LYPLA1: variants seen among roughly 807,000 people sequenced by gnomAD.
LYPLA1 encodes acyl-protein thioesterase 1.
Under a neutral mutation model 34.0 loss-of-function variants are expected in LYPLA1, and 17 were observed. The observed-to-expected ratio is 0.50, with a 90% CI of 0.34 to 0.75. LYPLA1 has a LOEUF of 0.75. Ranked by LOEUF, LYPLA1 falls within the 30% of genes least tolerant of loss-of-function variation. LYPLA1 has a pLI of 0.01. For missense variants in LYPLA1, 203 were observed against 288.8 expected, an observed-to-expected ratio of 0.70 and a Z score of 2.15; for synonymous variants, 98 against 100.8, an observed-to-expected ratio of 0.97 and a Z score of 0.17.
intron 8 of LYPLA1, 61 bp downstream of exon 8, chr8:54,050,951 T>C: frequency 6.7e-7 from 1 of 1,497,198 alleles, no homozygotes; most frequent in Non-Finnish European, 9.0e-7. Context: ...TTACTTTTCT[T>C]GAAAATATCA....
At chr8:54,086,438 T>TA (rs768755796) in intron 2 of LYPLA1, among the ~76,000 whole-genome samples, 750 of 34,668 alleles carry the variant, frequency 0.022, 23 homozygotes, top group Non-Finnish European at 0.031. Context: ...CTAAAAAAAT[T>TA]AAAAAAAAAA....
intron 2 of LYPLA1, among the ~76,000 whole-genome samples, chr8:54,087,587 G>A (rs1053813834): frequency 1.4e-4 from 21 of 152,334 alleles, no homozygotes; most frequent in African/African-American, 4.1e-4. Flanking sequence ...GACACCCCAC[G>A]CAATGGGAGA....
intron 2 of LYPLA1, among the ~76,000 whole-genome samples, chr8:54,087,481 C>T (rs1317728215): frequency 2.6e-5 from 4 of 152,186 alleles, no homozygotes; most frequent in Non-Finnish European, 5.9e-5. Context: ...GCCTGGGCTA[C>T]AGGGCAATAC....
chr8:54,085,595 G>A (rs1293586756), intron 2 of LYPLA1, among the ~76,000 whole-genome samples: 8 of 151,150 alleles, frequency 5.3e-5, no homozygotes, highest in South Asian at 4.2e-4. Context: ...CTGCCGCCCC[G>A]TCTGGGATGT....
At chr8:54,066,018 G>A (rs1807042084) in intron 2 of LYPLA1, among the ~76,000 whole-genome samples, 2 of 152,086 alleles carry the variant, frequency 1.3e-5, no homozygotes, top group Admixed American at 1.3e-4. Flanking sequence ...CTCACTGCAA[G>A]CTACCTCTCC....
intron 2 of LYPLA1, among the ~76,000 whole-genome samples, chr8:54,070,207 C>T (rs999611188): frequency 2.6e-5 from 4 of 152,066 alleles, no homozygotes; most frequent in African/African-American, 7.2e-5. Context: ...CCCAGCTACT[C>T]GGGAGGCTGA....
rs1198944611 is a variant in LYPLA1 at position 54,062,299 on chromosome 8, C to G, written c.241G>C (p.Asp81His). The G allele has an allele frequency of 4.4e-6, 7 of 1,606,560 alleles. No individual in the cohort carries two copies. The highest frequency in any genetic ancestry group is 1.1e-5 in the South Asian group (1 of 89,804). Reference protein sequence around the residue: ...SWFDIIGLSPDSQEDESGIKQ... With the variant: ...SWFDIIGLSPHSQEDESGIKQ... ...ATCCCAGATTCATCCTCCTGTGAAT[C>G]TGGTGAAAGCCCAATAATATCAAAC... Residue 81 changes from aspartate (D) to histidine (H), a missense_variant, in exon 5 of 9, where the codon GAT becomes CAT. Physicochemically the swap from Asp to His is moderately conservative, Grantham distance 81. Transcript: ENST00000316963.
chr8:54,058,725 T>C (rs781673641), intron 5 of LYPLA1, among the ~76,000 whole-genome samples: 9 of 151,040 alleles, frequency 6.0e-5, no homozygotes, highest in Admixed American at 2.0e-4. Flanking sequence ...GCCACAGACA[T>C]GCGCCACCAC....
intron 2 of LYPLA1, among the ~76,000 whole-genome samples, chr8:54,084,133 A>AAAAAAAAAAAAAAATTTTTATATAT (rs1373090573): frequency 7.6e-4 from 92 of 120,364 alleles, no homozygotes; most frequent in Non-Finnish European, 1.1e-3. Context: ...AGAAAAAAAA[A>AAAAAAAAAAAAAAATTTTTATATAT]ATAAATAAAT....
chr8:54,081,448 A>G (rs1001695141), intron 2 of LYPLA1, among the ~76,000 whole-genome samples: 1 of 151,970 alleles, frequency 6.6e-6, no homozygotes, highest in Admixed American at 6.6e-5. Context: ...AAAAAAAACA[A>G]CTGGAAGATT....
intron 2 of LYPLA1, among the ~76,000 whole-genome samples, chr8:54,090,546 T>G (rs1353090401): frequency 6.6e-6 from 1 of 152,192 alleles, no homozygotes; most frequent in Non-Finnish European, 1.5e-5. Flanking sequence ...CACCTCATAA[T>G]CAAATGACCC....
At chr8:54,058,208 A>G (rs929450981) in intron 5 of LYPLA1, among the ~76,000 whole-genome samples, 7 of 152,152 alleles carry the variant, frequency 4.6e-5, no homozygotes, top group African/African-American at 7.2e-5. Flanking sequence ...TAATGGTTTA[A>G]AAAGTGTTTA....
At chr8:54,061,227 T>A (rs1333779902) in intron 5 of LYPLA1, among the ~76,000 whole-genome samples, 1 of 151,848 alleles carries the variant, frequency 6.6e-6, no homozygotes, top group Non-Finnish European at 1.5e-5. Context: ...ATTACAGGCG[T>A]GCGTGACCAC....
chr8:54,048,344 C>A (rs997426784), intron 8 of LYPLA1, among the ~76,000 whole-genome samples: 2 of 152,154 alleles, frequency 1.3e-5, no homozygotes, highest in African/African-American at 4.8e-5. Context: ...GTATCTAGTT[C>A]TGCATCTTCC....
rs1425790198 is a variant in LYPLA1, at chr8:54,062,303, T to C, written c.237A>G (p.Ser79=). The C allele has an allele frequency of 1.2e-6, 2 of 1,606,542 alleles. No homozygotes were observed. Among genetic ancestry groups the C allele is most frequent in the Non-Finnish European group, 1.7e-6 (2 of 1,177,516 alleles). The change falls in exon 5 of 9, where the codon TCA becomes TCG. Residue 79 remains serine (S), a synonymous_variant. Coordinates refer to ENST00000316963, the MANE Select transcript of LYPLA1 (RefSeq NM_006330.4). ...CAGATTCATCCTCCTGTGAATCTGG[T>C]GAAAGCCCAATAATATCAAACCTGT... ...MPSWFDIIGL[S]PDSQEDESGI...
At chr8:54,096,369 G>A (rs187488841) in intron 2 of LYPLA1, among the ~76,000 whole-genome samples, 69 of 152,288 alleles carry the variant, frequency 4.5e-4, no homozygotes, top group Admixed American at 7.2e-4. Context: ...CTGGGAGGCC[G>A]AAGTGGGCAA....
intron 2 of LYPLA1, among the ~76,000 whole-genome samples, chr8:54,067,693 ATT>A (rs762583097): frequency 1.4e-4 from 19 of 135,486 alleles, no homozygotes; most frequent in Admixed American, 2.3e-4. Flanking sequence ...ATGAATGTTA[ATT>A]TTTTTTTTTT....
intron 2 of LYPLA1, among the ~76,000 whole-genome samples, chr8:54,090,842 C>T (rs2129363097): frequency 1.3e-5 from 2 of 152,276 alleles, no homozygotes; most frequent in East Asian, 1.9e-4. Context: ...CCATGCTGTT[C>T]TTATGACAGT....
At chr8:54,098,984 A>G (rs750775097) in intron 2 of LYPLA1, among the ~76,000 whole-genome samples, 16 of 152,206 alleles carry the variant, frequency 1.1e-4, no homozygotes, top group Non-Finnish European at 2.2e-4. Flanking sequence ...TTTTATCACA[A>G]CAGGTTAAAA....
Sources: gnomAD v4.1 joint callset for allele counts (sites outside exome capture counted in the v4.1 genomes callset) on GRCh38, gnomAD v4.1.1 for gene constraint, MANE v1.5 for transcripts, NCBI Gene and HGNC (gene_info 2026-07-23, HGNC 2026-07-21) for gene names.